PKD1L3: variants seen among roughly 807,000 people sequenced by gnomAD.
PKD1L3 encodes the protein polycystin-1-like protein 3.
Under a neutral mutation model 184.1 loss-of-function variants are expected in PKD1L3, and 239 were observed. That is an observed-to-expected ratio of 1.30 (90% confidence interval 1.17 to 1.45). The LOEUF (loss-of-function observed/expected upper bound fraction) is 1.45, where lower values mean the gene tolerates loss of function less well. Ranked by LOEUF, PKD1L3 falls within the 40% of genes most tolerant of loss-of-function variation. The pLI is 0.00. For synonymous variants in PKD1L3, 996 were observed against 778.8 expected (o/e 1.28, Z -4.64); for missense variants, 2,660 against 2,067.2 (o/e 1.29, Z -5.56).
rs1266985538 is a variant in PKD1L3 at position 71,982,218 on chromosome 16, G to C, written c.984C>G (p.Ser328=). The change falls in exon 7 of 30, where the codon TCC becomes TCG. Residue 328 remains serine (S), a synonymous_variant. Transcript: ENST00000620267. ...SKPAQVNLIN[S]LIYLSEELLR... Reference sequence around the variant, plus strand: ...GTAACTCCTCACTCAGGTAAATAAGGGAATTGATGAGATTAACCTGGGAGG... The same window carrying C: ...GTAACTCCTCACTCAGGTAAATAAGCGAATTGATGAGATTAACCTGGGAGG... 1 of 1,542,882 alleles carries C rather than the reference G, an allele frequency of 6.5e-7. No individual in the cohort carries two copies. The highest frequency in any genetic ancestry group is 2.5e-5 in the East Asian group (1 of 40,650).
rs2037882674 is a variant in PKD1L3, at chr16:71,930,136, A to G, written c.4974T>C (p.Ser1658=). 2 of 1,551,576 alleles carry G rather than the reference A, an allele frequency of 1.3e-6. No individual in the cohort carries two copies. The highest frequency in any genetic ancestry group is 2.0e-5 in the Admixed American group (1 of 50,970). The change falls in exon 29 of 30, where the codon AGT becomes AGC. Residue 1658 remains serine, a synonymous_variant. Transcript: ENST00000620267. ...PVLGTFLILT[S]VILMVLVVIN... ...TTACCACAAGTACCATCAAGATGAC[A>G]CTGGTGAGGATCAGAAAGGTGCCCA...
chr16:71,947,546 G>A lies in PKD1L3; in HGVS notation c.3664C>T (p.Pro1222Ser), dbSNP rs1417332570. 14 of 1,547,870 alleles carry A rather than the reference G, an allele frequency of 9.0e-6. No individual in the cohort carries two copies. The highest frequency in any genetic ancestry group is 1.2e-5 in the Non-Finnish European group (14 of 1,143,872). ...FLYSLMMSRM[P>S]RLNKENEQQT... ...TGTTCATTCTCTTTGTTAAGCCGTG[G>A]CATCCTGCTCATCATCAGTGAGTAT... is the stretch of plus-strand genomic sequence containing the variant. The change falls in exon 22 of 30, where the codon CCA (proline) becomes TCA (serine). Residue 1222 changes from proline (P) to serine (S), a missense_variant. Transcript: ENST00000620267.
intron 12 of PKD1L3, 33 bp downstream of exon 12, chr16:71,973,291 A>G (rs2039788244): frequency 1.3e-6 from 2 of 1,545,128 alleles, no homozygotes; most frequent in Non-Finnish European, 1.8e-6. Flanking sequence ...GCTATGGCAG[A>G]AGAGAGGCCC....
chr16:71,961,080 C>T (rs977910203), intron 16 of PKD1L3, among the ~76,000 whole-genome samples: 8 of 151,008 alleles, frequency 5.3e-5, no homozygotes, highest in East Asian at 3.9e-4. Context: ...TTTTTTTTCC[C>T]ACTTCTTGCT....
chr16:71,964,308 T>C (rs1006917205), intron 15 of PKD1L3, among the ~76,000 whole-genome samples: 1 of 101,198 alleles, frequency 9.9e-6, no homozygotes, highest in Non-Finnish European at 2.0e-5. Flanking sequence ...CTCGTCAAAA[T>C]CTTTTTTTTT....
At chr16:71,995,917 A>G (rs1324910924) in intron 2 of PKD1L3, among the ~76,000 whole-genome samples, 3 of 152,290 alleles carry the variant, frequency 2.0e-5, no homozygotes, top group African/African-American at 7.2e-5. Context: ...AGTGTTGTTA[A>G]GTTTGTGGAT....
Position 71,942,820 on chromosome 16 carries a change from T to A in PKD1L3, c.4064A>T (p.Glu1355Val). 6.4e-7 allele frequency: 1 copy of A among 1,551,626 alleles called. No individual in the cohort carries two copies. The highest frequency in any genetic ancestry group is 8.7e-7 in the Non-Finnish European group (1 of 1,146,964). Residue 1355 changes from glutamate to valine, a missense_variant, in exon 24 of 30, where the codon GAG becomes GTG. Physicochemically the swap from Glu to Val is moderately radical, Grantham distance 121. Coordinates refer to ENST00000620267, the MANE Select transcript of PKD1L3 (RefSeq NM_181536.2). ...GDYRGKNAVLEPSHCKCGVQL... is the reference protein window; with the variant it reads ...GDYRGKNAVLVPSHCKCGVQL... ...TACCCCACATTTGCAATGACTGGGC[T>A]CCAGGACTGCATTCTTACCTCTGTA...
intron 16 of PKD1L3, 45 bp from the exon 17 acceptor site, chr16:71,954,346 G>C (rs1373221979): frequency 2.8e-6 from 4 of 1,416,128 alleles, no homozygotes; most frequent in Non-Finnish European, 2.8e-6. Context: ...ATTTTATTCT[G>C]AAAGTGCACC....
intron 1 of PKD1L3, among the ~76,000 whole-genome samples, chr16:71,999,279 A>AG (rs2040892601): frequency 6.6e-6 from 1 of 151,890 alleles, no homozygotes; most frequent in Admixed American, 6.6e-5. Context: ...TCAAAAAAAA[A>AG]AAAAAAGAAA....
At chr16:71,995,186 G>C (rs968279583) in intron 2 of PKD1L3, among the ~76,000 whole-genome samples, 1 of 152,082 alleles carries the variant, frequency 6.6e-6, no homozygotes, top group African/African-American at 2.4e-5. Context: ...AGGTGAAAAG[G>C]CAAGAGAAGC....
At chr16:71,998,425 A>G (rs1324512538) in intron 1 of PKD1L3, 31 bp from the exon 2 acceptor site, 5 of 1,528,000 alleles carry the variant, frequency 3.3e-6, no homozygotes, top group Non-Finnish European at 4.4e-6. Context: ...GATGAGCCTC[A>G]TACTCGAAAG....
At chr16:71,938,621 C>A (rs546788899) in intron 24 of PKD1L3, among the ~76,000 whole-genome samples, 1 of 152,248 alleles carries the variant, frequency 6.6e-6, no homozygotes, top group Non-Finnish European at 1.5e-5. Context: ...CCAATAAGCA[C>A]ACACTTACTC....
chr16:71,929,792 C>A, intron 29 of PKD1L3, 114 bp from the exon 30 acceptor site: 1 of 1,145,556 alleles, frequency 8.7e-7, no homozygotes, highest in South Asian at 1.7e-5. Context: ...GATACTATTT[C>A]TTTAATAATT....
intron 7 of PKD1L3, among the ~76,000 whole-genome samples, chr16:71,981,535 C>CTTT (rs543488508): frequency 2.3e-4 from 24 of 105,084 alleles, no homozygotes; most frequent in Non-Finnish European, 3.6e-4. Flanking sequence ...TTCCTAAATT[C>CTTT]TTTTTTTTTT....
intron 28 of PKD1L3, chr16:71,930,813 T>C (rs1053831284): frequency 3.9e-5 from 6 of 152,252 alleles, no homozygotes; most frequent in Non-Finnish European, 8.8e-5. Flanking sequence ...ACAAATGGTA[T>C]TTATTTTCCC....
Position 72,000,030 on chromosome 16 carries a change from C to T in PKD1L3, c.-52G>A, listed in dbSNP as rs1032882840. The T allele has an allele frequency of 6.7e-5, 89 of 1,336,996 alleles. No homozygotes were observed. The highest frequency in any genetic ancestry group is 8.3e-5 in the Non-Finnish European group (83 of 1,000,270). 82.8% of individuals were successfully genotyped at this position (1,336,996 alleles called of 1,614,324 possible). A position where few individuals can be genotyped will look rare whatever the true frequency, so the allele number is the denominator to read the frequency against. ...TGTGGGGGTTTAGCAGCTGCCTGGT[C>T]CTTTAAATATATATATTGGCGGGCT... On this transcript the variant is annotated 5_prime_UTR_variant, in exon 1 of 30. Coordinates refer to ENST00000620267, the MANE Select transcript of PKD1L3 (RefSeq NM_181536.2).
chr16:71,996,373 G>A (rs1306087484), intron 2 of PKD1L3, among the ~76,000 whole-genome samples: 1 of 147,908 alleles, frequency 6.8e-6, no homozygotes, highest in East Asian at 2.1e-4. Flanking sequence ...CGATTCTCCT[G>A]CCTCAGCCTC....
At chr16:71,983,241 G>C (rs948101839) in intron 6 of PKD1L3, among the ~76,000 whole-genome samples, 1 of 151,606 alleles carries the variant, frequency 6.6e-6, no homozygotes, top group Non-Finnish European at 1.5e-5. Context: ...CCACCTTCCG[G>C]GCTCAAACCA....
rs2038959010 is a variant in PKD1L3 at position 71,954,166 on chromosome 16, G to A, written c.2748C>T (p.Asn916=). ...LSCCMTLLLC[N]MVINVMFWKI... ...TCCAGAACATAACATTGATGACCAT[G>A]TTGCAGAGTAGCAGTGTCATGCAGC... The change falls in exon 17 of 30, where the codon AAC becomes AAT. Residue 916 remains asparagine, a synonymous_variant. Coordinates refer to ENST00000620267, the MANE Select transcript of PKD1L3 (RefSeq NM_181536.2). 2 of 1,551,234 alleles carry A rather than the reference G, an allele frequency of 1.3e-6. No individual in the cohort carries two copies. The highest frequency in any genetic ancestry group is 2.4e-5 in the South Asian group (2 of 83,906).
Sources: gnomAD v4.1 joint callset for allele counts (sites outside exome capture counted in the v4.1 genomes callset) on GRCh38, gnomAD v4.1.1 for gene constraint, MANE v1.5 for transcripts, NCBI Gene and HGNC (gene_info 2026-07-23, HGNC 2026-07-21) for gene names.